SLC6A16: variants seen among roughly 807,000 people sequenced by gnomAD.
SLC6A16 encodes the protein solute carrier family 6 member 16, also known as orphan sodium- and chloride-dependent neurotransmitter transporter NTT5.
A neutral mutation model predicts 65.4 loss-of-function variants in SLC6A16; 54 were observed. The observed-to-expected ratio is 0.83, with a 90% CI of 0.66 to 1.04. The LOEUF is 1.04. Among genes scored for constraint, SLC6A16 ranks in the 50% least tolerant of loss-of-function variants. SLC6A16 has a pLI of 0.00. For synonymous variants in SLC6A16, 330 were observed against 346.5 expected (o/e 0.95, Z 0.53); for missense variants, 816 against 914.0 (o/e 0.89, Z 1.38).
intron 1 of SLC6A16, among the ~76,000 whole-genome samples, chr19:49,315,979 A>G (rs908578393): frequency 6.6e-5 from 10 of 152,160 alleles, no homozygotes; most frequent in African/African-American, 1.7e-4. Flanking sequence ...AATAAAAGAC[A>G]AAGATTAAAC....
intron 1 of SLC6A16, among the ~76,000 whole-genome samples, chr19:49,320,357 G>A (rs1232219915): frequency 5.3e-5 from 8 of 150,096 alleles, no homozygotes; most frequent in Admixed American, 2.0e-4. Flanking sequence ...GCAGTGAGCC[G>A]AGATCACACC....
chr19:49,312,673 T>TG (rs1970544844), intron 1 of SLC6A16: 3 of 625,364 alleles, frequency 4.8e-6, no homozygotes, highest in Non-Finnish European at 6.0e-6. Flanking sequence ...TTTCTTTCAG[T>TG]GGGGGAAGGA....
chr19:49,309,637 T>TA lies in SLC6A16; in HGVS notation c.876+13dup. 6.2e-7 allele frequency: 1 copy of TA among 1,608,748 alleles called. No homozygotes were observed. The highest frequency in any genetic ancestry group is 8.5e-7 in the Non-Finnish European group (1 of 1,175,242). The stretch of plus-strand genomic sequence containing the variant: ...CATCTGAGAATTTCAAGGAATCCAA[T>TA]ACTGGTGGCTCACCTTCCCAGTGGA... On this transcript the variant is annotated intron_variant, in intron 5 of 11. Transcript: ENST00000335875.
the SLC6A16 span, chr19:49,335,403 T>G: frequency 1.4e-6 from 1 of 706,506 alleles, no homozygotes; most frequent in Non-Finnish European, 2.5e-6. The surrounding 1 kb of genome is among the most constrained non-coding windows in gnomAD (Gnocchi z 4.6). Flanking sequence ...CCCCTGGAAC[T>G]TCCTCTTTTG....
intron 1 of SLC6A16, among the ~76,000 whole-genome samples, chr19:49,314,533 G>C (rs1970584050): frequency 6.6e-6 from 1 of 152,088 alleles, no homozygotes; most frequent in African/African-American, 2.4e-5. Context: ...AATCATCAAT[G>C]GTTGCTAAAA....
chr19:49,303,095 T>C (rs140460116), intron 7 of SLC6A16, among the ~76,000 whole-genome samples: 1 of 152,272 alleles, frequency 6.6e-6, no homozygotes, highest in Non-Finnish European at 1.5e-5. Context: ...TGGAGAAAGA[T>C]ACAAACATCC....
chr19:49,334,075 C>T, the SLC6A16 span, among the ~76,000 whole-genome samples: 4 of 152,036 alleles, frequency 2.6e-5, no homozygotes, highest in African/African-American at 4.8e-5. Flanking sequence ...GAGCCTGTAG[C>T]ACTTTCACTT....
chr19:49,299,657 G>C (rs1473139374), intron 7 of SLC6A16, among the ~76,000 whole-genome samples: 1 of 145,062 alleles, frequency 6.9e-6, no homozygotes, highest in Non-Finnish European at 1.5e-5. Flanking sequence ...AGATACAATA[G>C]ATTTCAAAAC....
rs1970451083 is a variant in SLC6A16 at position 49,309,014 on chromosome 19, ATGTAGGAGGC to A, written c.1081_1090del (p.Ala361CysfsTer16). On this transcript the variant is annotated frameshift_variant, in exon 7 of 12. Coordinates refer to ENST00000335875, the MANE Select transcript of SLC6A16 (RefSeq NM_014037.3). LOFTEE classifies it high-confidence loss of function. The stretch of plus-strand genomic sequence containing the variant: ...ACTGAGACAGTTGTTGGACTGGGGC[ATGTAGGAGGC>A]TAAGGAGGCAACGGAGCCAAGGCCT... The A allele has an allele frequency of 2.3e-5, 37 of 1,614,120 alleles. No homozygotes were observed. The highest frequency in any genetic ancestry group is 3.1e-5 in the Non-Finnish European group (37 of 1,180,042).
chr19:49,322,732 A>G (rs988536824), intron 1 of SLC6A16, among the ~76,000 whole-genome samples: 2 of 150,740 alleles, frequency 1.3e-5, no homozygotes, highest in African/African-American at 4.9e-5. Flanking sequence ...ACATAAATAA[A>G]TGGAAAAATA....
chr19:49,309,479 C>T, intron 5 of SLC6A16, 68 bp from the exon 6 acceptor site: 1 of 1,378,308 alleles, frequency 7.3e-7, no homozygotes, highest in Admixed American at 1.8e-5. Flanking sequence ...TAGGAGGGAT[C>T]AAAAGTTCTG....
In SLC6A16 at chr19:49,309,124, G is replaced by A; in HGVS notation, c.988-7C>T. 6.2e-7 allele frequency: 1 copy of A among 1,613,814 alleles called. No individual in the cohort carries two copies. The stretch of plus-strand genomic sequence containing the variant: ...TATTGTACACATCCGATATCTAAAA[G>A]AGAGAAGACAAGCATAAGGGGGTTG... On this transcript the variant is annotated splice_polypyrimidine_tract_variant and splice_region_variant and intron_variant, in intron 6 of 11. Transcript: ENST00000335875.
chr19:49,301,976 C>T lies in SLC6A16; in HGVS notation c.1229+6900G>A, dbSNP rs546366113. Among the ~76,000 whole-genome samples, 110 of 152,342 alleles carry T rather than the reference C, an allele frequency of 7.2e-4. 1 individual carries two copies. Among genetic ancestry groups the T allele is most frequent in the South Asian group, 6.6e-3 (32 of 4,830 alleles). On this transcript the variant is annotated intron_variant, in intron 7 of 11. Coordinates refer to ENST00000335875, the MANE Select transcript of SLC6A16 (RefSeq NM_014037.3). The stretch of plus-strand genomic sequence containing the variant: ...CGTTTGCACCCTCAGCTAGGCCCCG[C>T]GGCTGCATGTGCACACACGCCTCCA...
the SLC6A16 span, chr19:49,335,247 G>C: frequency 2.2e-6 from 1 of 445,536 alleles, no homozygotes; most frequent in Non-Finnish European, 4.0e-6. This position sits in a 1 kb window ranked among gnomAD's most constrained non-coding sequence, Gnocchi z 4.6. Flanking sequence ...ACCTGGGAGG[G>C]ACTGCCCCAT....
intron 7 of SLC6A16, among the ~76,000 whole-genome samples, chr19:49,306,534 GTTT>G (rs554621023): frequency 7.5e-6 from 1 of 133,426 alleles, no homozygotes; most frequent in South Asian, 2.3e-4. Flanking sequence ...TTAGTTCTTT[GTTT>G]TTTTTTTTTC....
intron 10 of SLC6A16, among the ~76,000 whole-genome samples, chr19:49,291,224 T>A (rs908504871): frequency 6.6e-6 from 1 of 152,072 alleles, no homozygotes; most frequent in African/African-American, 2.4e-5. Flanking sequence ...TGGGGTCTTT[T>A]GGTCTAGGGT....
upstream of SLC6A16, among the ~76,000 whole-genome samples, chr19:49,326,296 AGT>A (rs1970796671): frequency 6.6e-6 from 1 of 152,164 alleles, no homozygotes; most frequent in South Asian, 2.1e-4. Context: ...TTCTGCACTG[AGT>A]GTGTCAAAAT....
At chr19:49,307,019 A>G (rs1157649557) in intron 7 of SLC6A16, among the ~76,000 whole-genome samples, 2 of 136,194 alleles carry the variant, frequency 1.5e-5, no homozygotes, top group African/African-American at 5.6e-5. Flanking sequence ...TGTTTACTTC[A>G]CGGTTCGTTA....
At chr19:49,310,861 T>C (rs1190848114) in intron 2 of SLC6A16, 72 bp downstream of exon 2, 2 of 1,164,376 alleles carry the variant, frequency 1.7e-6, no homozygotes, top group Admixed American at 2.2e-5. Context: ...GAAACATTCA[T>C]GGTTAAAGCC....
Sources: allele counts gnomAD v4.1 joint callset (sites outside exome capture counted in the v4.1 genomes callset), GRCh38; gene constraint gnomAD v4.1.1; non-coding constraint Gnocchi (gnomAD v3.1); transcripts MANE v1.5; gene names NCBI Gene and HGNC (gene_info 2026-07-23, HGNC 2026-07-21).